Variants in BAG6 observed in about 807,000 individuals in gnomAD.
BAG6 encodes the protein BAG cochaperone 6.
Under a neutral mutation model 121.0 loss-of-function variants are expected in BAG6, and 22 were observed. That is an observed-to-expected ratio of 0.18 (90% CI 0.13 to 0.26). The LOEUF (loss-of-function observed/expected upper bound fraction) is 0.26. Among genes scored for constraint, BAG6 ranks in the 10% least tolerant of loss-of-function variants. The pLI, the probability that BAG6 is intolerant of heterozygous loss-of-function variation, is 1.00. For missense variants in BAG6, 1,233 were observed against 1,537.7 expected (o/e 0.80, Z 3.31); for synonymous variants, 583 against 584.6 (o/e 1.00, Z 0.04).
intron 25 of BAG6, 40 bp downstream of exon 25, chr6:31,639,460 C>T (rs754742947): frequency 7.5e-6 from 12 of 1,590,894 alleles, no homozygotes; most frequent in Non-Finnish European, 1.0e-5. Flanking sequence ...TAGCCCAACC[C>T]CTCCCACTAG....
Position 31,640,144 on chromosome 6 carries a change from G to A in BAG6, c.3246+55C>T. The A allele has an allele frequency of 6.4e-7, 1 of 1,550,592 alleles. No individual in the cohort carries two copies. The highest frequency in any genetic ancestry group is 1.1e-5 in the South Asian group (1 of 89,600). ...ACCATCTCTACATAGTTTGATTCCA[G>A]GCATGACGGGGAAACCTGGATAGAG... is the stretch of plus-strand genomic sequence containing the variant. On this transcript the variant is annotated intron_variant, in intron 24 of 25. Transcript: ENST00000676615. The surrounding 1 kb of genome is among the most constrained non-coding windows in gnomAD (Gnocchi z 4.2).
Position 31,652,579 on chromosome 6 carries a change from G to A in BAG6, c.-169C>T, listed in dbSNP as rs1311462278. On this transcript the variant is annotated 5_prime_UTR_variant, in exon 1 of 26. Coordinates refer to ENST00000676615, the MANE Select transcript of BAG6 (RefSeq NM_001387994.1). ...GAGTTTCTGAGGGCGAGTCGGGCCG[G>A]GGCCGGCCTAGGTGGGAGGGAGCCG... The A allele has an allele frequency of 6.6e-6, 1 of 152,374 alleles. No individual in the cohort carries two copies. The highest frequency in any genetic ancestry group is 1.5e-5 in the Non-Finnish European group (1 of 68,108). The allele number at this position is 152,374 out of a possible 1,614,324, so 9.4% of individuals were successfully genotyped here.
chr6:31,639,143 A>G lies in BAG6; in HGVS notation c.3477T>C (p.Ala1159=). ...ATAGAGCAAAGAGCTAAGGATCATC[A>G]GCAAAGGCCCGCTGGGCATTGGGGA... ...QRFPNAQRAF[A]DDP The change falls in exon 26 of 26, where the codon GCT becomes GCC. Residue 1159 remains alanine (A), a synonymous_variant. Coordinates refer to ENST00000676615, the MANE Select transcript of BAG6 (RefSeq NM_001387994.1). 2 of 1,613,932 alleles carry G rather than the reference A, an allele frequency of 1.2e-6. No individual in the cohort carries two copies. Among genetic ancestry groups the G allele is most frequent in the Non-Finnish European group, 1.7e-6 (2 of 1,179,878 alleles).
At chr6:31,646,361 G>A (rs377507628) in intron 8 of BAG6, 33 bp downstream of exon 8, 1 of 1,605,464 alleles carries the variant, frequency 6.2e-7, no homozygotes, top group Non-Finnish European at 8.5e-7. Flanking sequence ...TACTGGGGCT[G>A]AGGAGAAAGG....
In BAG6 at chr6:31,641,591, A is replaced by G; in HGVS notation, c.2507T>C (p.Met836Thr). ...CCCCGTGATCAATGTGTGGGTTGCC[A>G]TCTGTGGAGGAAACAGAACAGGTTT... ...GQEPTPSNIR[M>T]ATHTLITGLE... is the part of the protein sequence containing the mutation. The change falls in exon 18 of 26, where the codon ATG becomes ACG. Residue 836 changes from methionine to threonine, a missense_variant and splice_region_variant. Around this residue, in one of 7 missense-constraint regions of BAG6, gnomAD observed 288 missense variants for 483.1 expected, o/e 0.60. Transcript: ENST00000676615. This position sits in a 1 kb window ranked among gnomAD's most constrained non-coding sequence, Gnocchi z 5.7. 1 of 1,614,136 alleles carries G rather than the reference A, an allele frequency of 6.2e-7. No individual in the cohort carries two copies. Among genetic ancestry groups the G allele is most frequent in the Non-Finnish European group, 8.5e-7 (1 of 1,179,974 alleles).
rs752778572 is a variant in BAG6 at position 31,646,499 on chromosome 6, G to C, written c.813C>G (p.Val271=). ...GCCGCTGTAGCTCCTGGAGCACCTC[G>C]ACATACTCCGCAGGGGAAGGATGGC... ...APNHPSPAEY[V]EVLQELQRLE... Residue 271 remains valine, a synonymous_variant, in exon 8 of 26, where the codon GTC becomes GTG. Coordinates refer to ENST00000676615, the MANE Select transcript of BAG6 (RefSeq NM_001387994.1). 3.1e-6 allele frequency: 5 copies of C among 1,612,620 alleles called. No individual in the cohort carries two copies. The highest frequency in any genetic ancestry group is 4.2e-6 in the Non-Finnish European group (5 of 1,179,982).
At position 31,640,852 on chromosome 6, in the gene BAG6, G is replaced by A. The variant is rs757208756; in HGVS notation, c.2874C>T (p.His958=). The change falls in exon 21 of 26, where the codon CAC becomes CAT. Residue 958 remains histidine, a synonymous_variant. Transcript: ENST00000676615. The surrounding 1 kb of genome is among the most constrained non-coding windows in gnomAD (Gnocchi z 4.2). ...MGLRLQVVLE[H]MPVGPDAILR... is the part of the protein sequence containing the mutation. ...GAATGGCATCAGGGCCTACAGGCATGTGCTCCAGTACCACCTGAAGCCTCA... is the reference window on the plus strand; with the variant it reads ...GAATGGCATCAGGGCCTACAGGCATATGCTCCAGTACCACCTGAAGCCTCA... The A allele has an allele frequency of 7.4e-6, 12 of 1,612,686 alleles. No individual in the cohort carries two copies. Among genetic ancestry groups the A allele is most frequent in the South Asian group, 1.1e-5 (1 of 91,080 alleles).
rs765679103 is a variant in BAG6, at chr6:31,641,834, C to T, written c.2447G>A (p.Arg816Gln). The T allele has an allele frequency of 3.7e-6, 6 of 1,612,918 alleles. No individual in the cohort carries two copies. Among genetic ancestry groups the T allele is most frequent in the Middle Eastern group, 1.6e-4 (1 of 6,084 alleles). Residue 816 changes from arginine (R) to glutamine (Q), a missense_variant, in exon 17 of 26, where the codon CGA (arginine) becomes CAA (glutamine). Arg to Gln is a conservative substitution (Grantham distance 43, BLOSUM62 1). Transcript: ENST00000676615. This position sits in a 1 kb window ranked among gnomAD's most constrained non-coding sequence, Gnocchi z 5.7. ...CAGGTAGTGCTGGTGGAAGAAGGAT[C>T]GCAGCTGGGGCTGGAGCCGTTGTAG... is the stretch of plus-strand genomic sequence containing the variant. Reference protein sequence around the residue: ...QPLQRLQPQLRSFFHQHYLGG... With the variant: ...QPLQRLQPQLQSFFHQHYLGG...
chr6:31,639,679 A>C (rs765088766), intron 24 of BAG6, 33 bp from the exon 25 acceptor site: 1 of 1,583,868 alleles, frequency 6.3e-7, no homozygotes, highest in South Asian at 1.1e-5. Flanking sequence ...GGAAAAGAGG[A>C]TCAACGTCAG....
At chr6:31,645,364 A>AAC in intron 9 of BAG6, 43 bp downstream of exon 9, 2 of 1,612,536 alleles carry the variant, frequency 1.2e-6, no homozygotes, top group Non-Finnish European at 1.7e-6. Context: ...TCACTCTATC[A>AAC]ACACCCCTCA....
Position 31,642,289 on chromosome 6 carries a change from C to T in BAG6, c.2158G>A (p.Gly720Ser). The T allele has an allele frequency of 1.9e-6, 3 of 1,594,900 alleles. No homozygotes were observed. Among genetic ancestry groups the T allele is most frequent in the Non-Finnish European group, 2.6e-6 (3 of 1,171,274 alleles). Residue 720 changes from glycine (G) to serine (S), a missense_variant, in exon 16 of 26, where the codon GGC becomes AGC. Physicochemically the swap from Gly to Ser is moderately conservative, Grantham distance 56. Coordinates refer to ENST00000676615, the MANE Select transcript of BAG6 (RefSeq NM_001387994.1). ...SPSGGAGSPGGLGLESLSPEF... is the reference protein window; with the variant it reads ...SPSGGAGSPGSLGLESLSPEF... ...GGTGACAGGCTCTCAAGACCCAGGC[C>T]TCCAGGACTCCCTGCGCCACCAGAA...
chr6:31,651,546 A>G, intron 2 of BAG6, 110 bp downstream of exon 2: 1 of 892,804 alleles, frequency 1.1e-6, no homozygotes, highest in Non-Finnish European at 1.7e-6. Context: ...CTCAAAAAAA[A>G]GAAAAAAAAA....
At position 31,651,749 on chromosome 6, in the gene BAG6, A is replaced by G. The variant is rs764771646; in HGVS notation, c.15T>C (p.Asp5=). The G allele has an allele frequency of 6.2e-6, 10 of 1,613,026 alleles. No individual in the cohort carries two copies. The highest frequency in any genetic ancestry group is 2.2e-5 in the East Asian group (1 of 44,874). Residue 5 remains aspartate, a synonymous_variant, in exon 2 of 26, where the codon GAT becomes GAC. Transcript: ENST00000676615. MEPN[D]STSTAVEEPD... ...GCTCCTCCACAGCGGTACTGGTACT[A>G]TCATTAGGCTCCATGGCCGACAGGT...
At chr6:31,652,220 CG>C (rs1053412041) in intron 1 of BAG6, 1 of 166,000 alleles carries the variant, frequency 6.0e-6, no homozygotes, top group Non-Finnish European at 1.3e-5. Context: ...ACTATAGACC[CG>C]AAACGGCACT....
At chr6:31,645,250 C>G (rs766026077) in intron 9 of BAG6, 52 bp from the exon 10 acceptor site, 2 of 1,599,622 alleles carry the variant, frequency 1.3e-6, no homozygotes, top group African/African-American at 1.3e-5. Context: ...AGAGCCTAAC[C>G]AAGAAAACCT....
rs1288434412 is a variant in BAG6 at position 31,644,321 on chromosome 6, G to A, written c.1541C>T (p.Ala514Val). The change falls in exon 12 of 26, where the codon GCC (alanine) becomes GTC (valine). Residue 514 changes from alanine to valine, a missense_variant. Coordinates refer to ENST00000676615, the MANE Select transcript of BAG6 (RefSeq NM_001387994.1). The surrounding 1 kb of genome is among the most constrained non-coding windows in gnomAD (Gnocchi z 4.9). ...CAGGTCATTACCTGCGGCCGCGGAG[G>A]CAACAGCTGCCACCATGGCCTGATG... ...ITHQAMVAAVASAAAGQQVPG... is the reference protein window; with the variant it reads ...ITHQAMVAAVVSAAAGQQVPG... 1 of 1,551,632 alleles carries A rather than the reference G, an allele frequency of 6.4e-7. No individual in the cohort carries two copies. Among genetic ancestry groups the A allele is most frequent in the East Asian group, 2.4e-5 (1 of 40,944 alleles).
At position 31,642,894 on chromosome 6, in the gene BAG6, G is replaced by A; in HGVS notation, c.1978C>T (p.Pro660Ser). Reference sequence around the variant, plus strand: ...CCAGGCATCGCCACAGTGATGGTGGGAGAAGCCACACCAGACCCTCCAGCC... The same window carrying A: ...CCAGGCATCGCCACAGTGATGGTGGAAGAAGCCACACCAGACCCTCCAGCC... ...PGAGGSGVAS[P>S]TITVAMPGVP... The change falls in exon 15 of 26, where the codon CCC (proline) becomes TCC (serine). Residue 660 changes from proline (P) to serine (S), a missense_variant. Coordinates refer to ENST00000676615, the MANE Select transcript of BAG6 (RefSeq NM_001387994.1). 6.2e-7 allele frequency: 1 copy of A among 1,611,718 alleles called. No individual in the cohort carries two copies.
chr6:31,649,313 C>T lies in BAG6; in HGVS notation c.309G>A (p.Gly103=). 2.5e-6 allele frequency: 4 copies of T among 1,613,344 alleles called. No individual in the cohort carries two copies. The highest frequency in any genetic ancestry group is 3.4e-6 in the Non-Finnish European group (4 of 1,179,912). ...HLPSGASSGT[G]SASATHGGGS... ...CCCCACCATGAGTGGCTGAGGCAGA[C>T]CCCGTCCCAGAAGATGCCCCAGAAG... The change falls in exon 4 of 26, where the codon GGG becomes GGA. Residue 103 remains glycine, a synonymous_variant. Transcript: ENST00000676615.
At chr6:31,645,987 T>G (rs759591744) in intron 8 of BAG6, among the ~76,000 whole-genome samples, 1 of 152,146 alleles carries the variant, frequency 6.6e-6, no homozygotes, top group Non-Finnish European at 1.5e-5. Context: ...GTGTGTTTTT[T>G]TGTTTTGTTT....
Sources: gnomAD v4.1 joint callset for allele counts (sites outside exome capture counted in the v4.1 genomes callset) on GRCh38, gnomAD v4.1.1 for gene constraint, gnomAD v4.1.1 regional missense constraint, Gnocchi (gnomAD v3.1) non-coding constraint, MANE v1.5 for transcripts, NCBI Gene and HGNC (gene_info 2026-07-23, HGNC 2026-07-21) for gene names.